Variants in LRRC56 observed in about 807,000 individuals in gnomAD.
LRRC56 encodes leucine-rich repeat-containing protein 56.
In LRRC56, 41 loss-of-function variants were observed where a neutral mutation model predicts 47.8. That is an observed-to-expected ratio of 0.86 (90% CI 0.67 to 1.11). LRRC56 has a LOEUF of 1.11. LRRC56 is among the 50% of genes most tolerant of loss of function. The pLI is 0.00. For synonymous variants in LRRC56, 387 were observed against 311.2 expected (o/e 1.24, Z -2.56); for missense variants, 759 against 704.2 (o/e 1.08, Z -0.88).
At chr11:549,194 C>G (rs1852241637) in intron 6 of LRRC56, among the ~76,000 whole-genome samples, 1 of 152,222 alleles carries the variant, frequency 6.6e-6, no homozygotes. Context: ...ATCACCCAGC[C>G]CTGGAGGAAT....
intron 6 of LRRC56, among the ~76,000 whole-genome samples, chr11:545,920 A>C (rs1852051111): frequency 6.6e-6 from 1 of 152,210 alleles, no homozygotes; most frequent in Non-Finnish European, 1.5e-5. Context: ...TTCATTAAGC[A>C]ACCTCTCTTT....
the LRRC56 span, among the ~76,000 whole-genome samples, chr11:524,879 T>C: frequency 1.4e-5 from 2 of 144,334 alleles, no homozygotes; most frequent in Non-Finnish European, 3.0e-5. Context: ...AATCATGAGG[T>C]CAGGAGATCA....
At chr11:511,317 T>C in the LRRC56 span, among the ~76,000 whole-genome samples, 1 of 132,656 alleles carries the variant, frequency 7.5e-6, no homozygotes, top group African/African-American at 2.9e-5. Flanking sequence ...CTAGACTCCG[T>C]CTCAAAAAAA....
chr11:531,824 C>T, the LRRC56 span, among the ~76,000 whole-genome samples: 3 of 152,226 alleles, frequency 2.0e-5, no homozygotes, highest in South Asian at 2.1e-4. Context: ...GCCCAGGAGG[C>T]GGGGTCCCTA....
At chr11:545,907 G>C (rs1852050611) in intron 6 of LRRC56, among the ~76,000 whole-genome samples, 1 of 152,184 alleles carries the variant, frequency 6.6e-6, no homozygotes, top group African/African-American at 2.4e-5. Context: ...GAGGATAAGG[G>C]TATTCATTAA....
At chr11:548,737 C>T (rs1011387627) in intron 6 of LRRC56, among the ~76,000 whole-genome samples, 5 of 152,300 alleles carry the variant, frequency 3.3e-5, no homozygotes, top group East Asian at 1.9e-4. Flanking sequence ...GGATGACAGG[C>T]GTGAACCACC....
At chr11:514,057 T>C in the LRRC56 span, among the ~76,000 whole-genome samples, 1 of 151,840 alleles carries the variant, frequency 6.6e-6, no homozygotes, top group Admixed American at 6.6e-5. Flanking sequence ...AGTGGCACCA[T>C]CTCGGCTCAC....
intron 5 of LRRC56, among the ~76,000 whole-genome samples, chr11:542,942 CT>C (rs1269061184): frequency 2.0e-5 from 3 of 152,018 alleles, no homozygotes; most frequent in Non-Finnish European, 4.4e-5. Flanking sequence ...GTCGCCCAGG[CT>C]GGAGTGCAGT....
chr11:551,793 G>A lies in LRRC56; in HGVS notation c.939G>A (p.Leu313=), dbSNP rs749823501. 2 of 1,608,642 alleles carry A rather than the reference G, an allele frequency of 1.2e-6. No homozygotes were observed. The highest frequency in any genetic ancestry group is 1.3e-5 in the African/African-American group (1 of 74,846). The change falls in exon 10 of 14, where the codon CTG becomes CTA. Residue 313 remains leucine, a synonymous_variant. Coordinates refer to ENST00000270115, the MANE Select transcript of LRRC56 (RefSeq NM_198075.4). The part of the protein sequence containing the change: ...PLPEGLLSED[L]APEDNTSSLT... ...CTGAAGGCCTGCTTTCTGAGGACCT[G>A]GCCCCAGAAGATAACACCAGCAGCC...
chr11:546,349 A>G (rs186515304), intron 6 of LRRC56, among the ~76,000 whole-genome samples: 3 of 152,264 alleles, frequency 2.0e-5, no homozygotes, highest in Non-Finnish European at 4.4e-5. Context: ...TAGGCAGATC[A>G]CGAGGTCAGG....
the LRRC56 span, among the ~76,000 whole-genome samples, chr11:531,385 G>A: frequency 6.6e-6 from 1 of 152,160 alleles, no homozygotes; most frequent in African/African-American, 2.4e-5. Context: ...CACCAGGGGC[G>A]CTGTGGGCCC....
intron 5 of LRRC56, among the ~76,000 whole-genome samples, chr11:542,623 C>T (rs974416814): frequency 4.1e-5 from 6 of 145,690 alleles, no homozygotes; most frequent in Non-Finnish European, 6.0e-5. Flanking sequence ...CCCCGCCCTC[C>T]GCCAGGTTCC....
rs1053365657 is a variant in LRRC56 at position 554,747 on chromosome 11, C to G, written c.*471C>G. Reference sequence around the variant, plus strand: ...GCCGCCGGGGGTGCGGTCCAGGCCTCCCGTCTCCGGGGGATCTGTAGGGTT... The same window carrying G: ...GCCGCCGGGGGTGCGGTCCAGGCCTGCCGTCTCCGGGGGATCTGTAGGGTT... On this transcript the variant is annotated 3_prime_UTR_variant, in exon 14 of 14. Transcript: ENST00000270115. The G allele has an allele frequency of 4.1e-6, 2 of 485,174 alleles. No individual in the cohort carries two copies. The highest frequency in any genetic ancestry group is 4.1e-5 in the African/African-American group (2 of 48,262). 30.1% of individuals were successfully genotyped at this position (485,174 alleles called of 1,614,324 possible).
chr11:533,174 G>A, upstream of LRRC56: 1 of 1,078,788 alleles, frequency 9.3e-7, no homozygotes, highest in Non-Finnish European at 1.3e-6. Context: ...TCTCCCCAAG[G>A]ACCTCCGCCT....
the LRRC56 span, among the ~76,000 whole-genome samples, chr11:508,327 A>G: frequency 6.6e-6 from 1 of 152,054 alleles, no homozygotes; most frequent in African/African-American, 2.4e-5. Flanking sequence ...ACGCCTGGCT[A>G]ATTGTTGTAT....
upstream of LRRC56, among the ~76,000 whole-genome samples, chr11:534,837 C>T (rs889871295): frequency 6.6e-6 from 1 of 152,196 alleles, no homozygotes; most frequent in African/African-American, 2.4e-5. Flanking sequence ...CTACTGCGTA[C>T]TAGGCGCCGC....
intron 2 of LRRC56, among the ~76,000 whole-genome samples, 196 bp from the exon 3 acceptor site, chr11:539,384 C>CGTTTTTT (rs1851675121): frequency 2.2e-5 from 2 of 92,454 alleles, no homozygotes; most frequent in African/African-American, 9.5e-5. Context: ...CGCACCCAGC[C>CGTTTTTT]TTTTTTTTTT....
chr11:549,959 C>T lies in LRRC56; in HGVS notation c.384C>T (p.Leu128=), dbSNP rs7942030. The part of the protein sequence containing the change: ...LQVLWLARCG[L]ADLDGIASLP... ...TGCTGTGGCTGGCTCGCTGTGGCCT[C>T]GCTGACCTGGATGGCATCGCCTCTT... The change falls in exon 7 of 14, where the codon CTC becomes CTT. Residue 128 remains leucine, a synonymous_variant. Coordinates refer to ENST00000270115, the MANE Select transcript of LRRC56 (RefSeq NM_198075.4). 1,318,854 of 1,612,708 alleles carry T rather than the reference C, an allele frequency of 0.82. 541,293 individuals are homozygous for T. Among genetic ancestry groups the T allele is most frequent in the East Asian group, 0.93 (41,534 of 44,862 alleles).
chr11:513,399 G>A, the LRRC56 span, among the ~76,000 whole-genome samples: 6 of 152,072 alleles, frequency 3.9e-5, no homozygotes, highest in Non-Finnish European at 7.4e-5. Flanking sequence ...TGATCTGCCC[G>A]CCGTCCGCCT....
Sources: allele counts gnomAD v4.1 joint callset (sites outside exome capture counted in the v4.1 genomes callset), GRCh38; gene constraint gnomAD v4.1.1; transcripts MANE v1.5; gene names NCBI Gene and HGNC (gene_info 2026-07-23, HGNC 2026-07-21).